The following HR variants were observed in gnomAD, a reference collection of about 807,000 sequenced individuals.
HR encodes the protein lysine-specific demethylase hairless.
A neutral mutation model predicts 128.6 loss-of-function variants in HR; 83 were observed. That is an observed-to-expected ratio of 0.65 (90% CI 0.54 to 0.77). The LOEUF (loss-of-function observed/expected upper bound fraction) is 0.77, where lower values mean the gene tolerates loss of function less well. Ranked by LOEUF, HR falls within the 30% of genes least tolerant of loss-of-function variation. The probability of loss-of-function intolerance (pLI) is 0.00; values close to 1 mark genes in which losing one functional copy is unlikely to be tolerated. For missense variants in HR, 1,490 were observed against 1,574.6 expected (o/e 0.95, Z 0.91); for synonymous variants, 681 against 658.2 (o/e 1.03, Z -0.53).
Position 22,120,259 on chromosome 8 carries a change from G to A in HR, c.2776+83C>T, listed in dbSNP as rs1586373665. ...CAGCAACACCTGCTTCCAGCCCCTCGGGGTCACCCTGGGACTCCTCTGCCA... is the reference window on the plus strand; with the variant it reads ...CAGCAACACCTGCTTCCAGCCCCTCAGGGTCACCCTGGGACTCCTCTGCCA... On this transcript the variant is annotated intron_variant, in intron 12 of 18. Transcript: ENST00000381418. 1.6e-5 allele frequency: 26 copies of A among 1,609,576 alleles called. No homozygotes were observed. The East Asian group carries it at 2.9e-4, about 18-fold the overall frequency.
chr8:22,122,896 G>A lies in HR; in HGVS notation c.1916-17C>T. On this transcript the variant is annotated splice_polypyrimidine_tract_variant and intron_variant, in intron 6 of 18. Transcript: ENST00000381418. ...CCTGAAAGCCTGTGGGGCAGGAAGG[G>A]AAAAGCTGCAGGTCCAGAAATCAAG... The A allele has an allele frequency of 6.5e-7, 1 of 1,550,346 alleles. No individual in the cohort carries two copies. Among genetic ancestry groups the A allele is most frequent in the Non-Finnish European group, 8.7e-7 (1 of 1,146,434 alleles).
chr8:22,123,895 A>G, intron 5 of HR, 82 bp from the exon 6 acceptor site: 1 of 1,485,450 alleles, frequency 6.7e-7, no homozygotes, highest in Non-Finnish European at 9.1e-7. Context: ...GGATCCAAGG[A>G]GGGGCAGGAG....
At position 22,116,865 on chromosome 8, in the gene HR, T is replaced by C. The variant is rs1826602225; in HGVS notation, c.3378+10A>G. On this transcript the variant is annotated intron_variant, in intron 17 of 18. Transcript: ENST00000381418. The surrounding 1 kb of genome is among the most constrained non-coding windows in gnomAD (Gnocchi z 4.2). Reference sequence around the variant, plus strand: ...ATCTCCCCGCAGAGCCCCTGCCCGCTGGGAAGCACCTGGTGGGGAGCCCCT... The same window carrying C: ...ATCTCCCCGCAGAGCCCCTGCCCGCCGGGAAGCACCTGGTGGGGAGCCCCT... 2 of 1,568,560 alleles carry C rather than the reference T, an allele frequency of 1.3e-6. No individual in the cohort carries two copies. Among genetic ancestry groups the C allele is most frequent in the Non-Finnish European group, 1.7e-6 (2 of 1,161,482 alleles).
At position 22,117,002 on chromosome 8, in the gene HR, G is replaced by A; in HGVS notation, c.3251C>T (p.Ala1084Val). ...TGCATCCAGGTAGCAGCTGCCTGGG[G>A]CGCCAGGCTCCAGGGCGCCTGCCCC... ...PAGAGALEPG[A>V]PGSCYLDAGL... Residue 1084 changes from alanine (A) to valine (V), a missense_variant, in exon 17 of 19, where the codon GCC becomes GTC. Transcript: ENST00000381418. 6.6e-7 allele frequency: 1 copy of A among 1,526,182 alleles called. No homozygotes were observed. The allele number at this position is 1,526,182 out of a possible 1,614,324, so 94.5% of individuals were successfully genotyped here.
At chr8:22,121,782 T>C in intron 8 of HR, 88 bp from the exon 9 acceptor site, 2 of 1,303,986 alleles carry the variant, frequency 1.5e-6, no homozygotes, top group South Asian at 1.2e-5. Flanking sequence ...GAATGAACAA[T>C]GGACTCTTGT....
intron 3 of HR, 119 bp from the exon 4 acceptor site, chr8:22,125,851 C>T: frequency 8.6e-7 from 1 of 1,169,352 alleles, no homozygotes; most frequent in Non-Finnish European, 1.2e-6. Context: ...CGCCCCAGGT[C>T]TCTGAAGCCT....
At chr8:22,123,569 C>T (rs1301691472) in intron 6 of HR, 80 bp downstream of exon 6, 1 of 1,394,562 alleles carries the variant, frequency 7.2e-7, no homozygotes, top group African/African-American at 1.4e-5. Context: ...TGGGGAGAGG[C>T]AGCCAACGAA....
chr8:22,123,617 T>TGGGGGGGGCCCCCCCC, intron 6 of HR, 32 bp downstream of exon 6: 2 of 292,092 alleles, frequency 6.8e-6, no homozygotes, highest in Non-Finnish European at 1.2e-5. Flanking sequence ...GAGGGCTCCA[T>TGGGGGGGGCCCCCCCC]CCCGCCCTCC....
rs1184292818 is a variant in HR at position 22,115,152 on chromosome 8, C to G, written c.*548G>C. ...GGGCTGAGTGACATCGCCCATGCCGCTCCCTCCGCCAAGCCTGAGCAGCTC... is the reference window on the plus strand; with the variant it reads ...GGGCTGAGTGACATCGCCCATGCCGGTCCCTCCGCCAAGCCTGAGCAGCTC... On this transcript the variant is annotated 3_prime_UTR_variant, in exon 19 of 19. Transcript: ENST00000381418. 3 of 176,728 alleles carry G rather than the reference C, an allele frequency of 1.7e-5. No individual in the cohort carries two copies. The highest frequency in any genetic ancestry group is 2.4e-5 in the Non-Finnish European group (2 of 83,422). The allele number at this position is 176,728 out of a possible 1,614,324, so 10.9% of individuals were successfully genotyped here. A position where few individuals can be genotyped will look rare whatever the true frequency, so the allele number is the denominator to read the frequency against.
chr8:22,129,138 G>A lies in HR; in HGVS notation c.33C>T (p.Thr11=). The A allele has an allele frequency of 6.4e-7, 1 of 1,552,472 alleles. No individual in the cohort carries two copies. The highest frequency in any genetic ancestry group is 1.3e-5 in the South Asian group (1 of 79,100). MESTPSFLKG[T]PTWEKTAPEN... ...CTGGGGCCGTCTTCTCCCAGGTTGG[G>A]GTGCCCTTCAGGAAGCTGGGCGTAC... The change falls in exon 2 of 19, where the codon ACC becomes ACT. Residue 11 remains threonine (T), a synonymous_variant. Transcript: ENST00000381418.
At position 22,119,045 on chromosome 8, in the gene HR, C is replaced by T. The variant is rs749987727; in HGVS notation, c.3118G>A (p.Gly1040Arg). 7 of 1,613,278 alleles carry T rather than the reference C, an allele frequency of 4.3e-6. No homozygotes were observed. The highest frequency in any genetic ancestry group is 1.7e-4 in the Middle Eastern group (1 of 6,054). ...AQKDFLSGLD[G>R]EGLWSPGSQV... ...CTGCCCGGAGACCAGAGCCCCTCCC[C>T]GTCCAGGCCTGAAAGGAAGTCTGAG... Residue 1040 changes from glycine to arginine, a missense_variant, in exon 16 of 19, where the codon GGG (glycine) becomes AGG (arginine). Gly to Arg is a moderately radical substitution (Grantham distance 125). Coordinates refer to ENST00000381418, the MANE Select transcript of HR (RefSeq NM_005144.5).
rs1826779167 is a variant in HR, at chr8:22,122,503, G to T, written c.2111C>A (p.Ala704Glu). The T allele has an allele frequency of 6.2e-7, 1 of 1,606,466 alleles. No individual in the cohort carries two copies. The highest frequency in any genetic ancestry group is 1.7e-5 in the Admixed American group (1 of 59,390). Residue 704 changes from alanine (A) to glutamate (E), a missense_variant, in exon 8 of 19, where the codon GCA (alanine) becomes GAA (glutamate). By Grantham distance (107) the Ala-to-Glu change is moderately radical. Transcript: ENST00000381418. ...TGCCCTGGGTCTTACCTGCTGGCCTGCATCCCCGGGGGCCCATACCCGGGC... is the reference window on the plus strand; with the variant it reads ...TGCCCTGGGTCTTACCTGCTGGCCTTCATCCCCGGGGGCCCATACCCGGGC... ...ADARVWAPGD[A>E]GQQKESTQKT...
rs376088952 is a variant in HR at position 22,122,554 on chromosome 8, C to T, written c.2060G>A (p.Arg687Gln). ...ATCAGCTTGGCAGGGGCAGTGCCCC[C>T]GGATATCAAACTTGACCCAGACCTG... Reference protein sequence around the residue: ...MHQVWVKFDIRGHCPCQADAR... With the variant: ...MHQVWVKFDIQGHCPCQADAR... The change falls in exon 8 of 19, where the codon CGG becomes CAG. Residue 687 changes from arginine (R) to glutamine (Q), a missense_variant. Physicochemically the swap from Arg to Gln is conservative, Grantham distance 43. This residue lies in a region of HR where 1,060 missense variants were observed against 1,060.9 expected (regional missense o/e 1.00). Transcript: ENST00000381418. 26 of 1,611,942 alleles carry T rather than the reference C, an allele frequency of 1.6e-5. No homozygotes were observed. The highest frequency in any genetic ancestry group is 1.5e-4 in the Admixed American group (9 of 59,924).
rs532899163 is a variant in HR, at chr8:22,119,378, G to A, written c.2978-95C>T. The A allele has an allele frequency of 3.5e-5, 55 of 1,556,374 alleles. No homozygotes were observed. In the African/African-American group the frequency reaches 5.1e-4, roughly 15 times the overall value. ...AATCCTGGCACTTTGGGAGGCCCAG[G>A]CGGGCAGATCACCTGAGGTCAGGAG... is the stretch of plus-strand genomic sequence containing the variant. On this transcript the variant is annotated intron_variant, in intron 14 of 18. Coordinates refer to ENST00000381418, the MANE Select transcript of HR (RefSeq NM_005144.5).
rs970137378 is a variant in HR at position 22,119,721 on chromosome 8, A to ATGGGAGTAG, written c.2977+30_2977+38dup. The ATGGGAGTAG allele has an allele frequency of 4.4e-6, 7 of 1,578,194 alleles. No individual in the cohort carries two copies. The African/African-American group carries it at 9.4e-5, about 21-fold the overall frequency. ...GCCCCGAGATGACAGGCAGACAGGC[A>ATGGGAGTAG]TGGGAGTAGAGACTGGGCAGGAGTG... On this transcript the variant is annotated intron_variant, in intron 14 of 18. Coordinates refer to ENST00000381418, the MANE Select transcript of HR (RefSeq NM_005144.5).
chr8:22,122,377 T>A, intron 8 of HR, 116 bp downstream of exon 8: 1 of 732,254 alleles, frequency 1.4e-6, no homozygotes, highest in Non-Finnish European at 2.3e-6. Flanking sequence ...GGAATTAGCC[T>A]GATCCCACAG....
At chr8:22,122,712 G>T in intron 7 of HR, 78 bp downstream of exon 7, 1 of 1,489,048 alleles carries the variant, frequency 6.7e-7, no homozygotes, top group Non-Finnish European at 9.2e-7. Context: ...TGGCACTGGG[G>T]GGAGGGACAA....
At position 22,120,410 on chromosome 8, in the gene HR, G is replaced by T. The variant is rs1015333064; in HGVS notation, c.2708C>A (p.Pro903His). Residue 903 changes from proline (P) to histidine (H), a missense_variant, in exon 12 of 19, where the codon CCC becomes CAC. Physicochemically the swap from Pro to His is moderately conservative, Grantham distance 77. Around this residue, in one of 3 missense-constraint regions of HR, gnomAD observed 423 missense variants for 495.9 expected, o/e 0.85. Coordinates refer to ENST00000381418, the MANE Select transcript of HR (RefSeq NM_005144.5). ...ALGGQVQALS[P>H]LGPPQPSSLG... is the part of the protein sequence containing the mutation. ...GCTGCTGGGCTGGGGAGGTCCGAGGGGGCTCAGCGCCTGCACCTGGCCTCC... is the reference window on the plus strand; with the variant it reads ...GCTGCTGGGCTGGGGAGGTCCGAGGTGGCTCAGCGCCTGCACCTGGCCTCC... 1.1e-5 allele frequency: 17 copies of T among 1,613,852 alleles called. No homozygotes were observed.
At position 22,130,640 on chromosome 8, in the gene HR, C is replaced by A. The variant is rs1385208429; in HGVS notation, c.-253G>T. 1 of 152,288 alleles carries A rather than the reference C, an allele frequency of 6.6e-6. No individual in the cohort carries two copies. The highest frequency in any genetic ancestry group is 2.4e-5 in the African/African-American group (1 of 41,460). The allele number at this position is 152,288 out of a possible 1,614,324, so 9.4% of individuals were successfully genotyped here. ...GGTTGGAGGGGTCGGACTCCGGGAT[C>A]TGCAGGATGCGGCACACGGCGCGGA... On this transcript the variant is annotated 5_prime_UTR_variant, in exon 1 of 19. Transcript: ENST00000381418.
Sources: allele counts gnomAD v4.1 joint callset, GRCh38; gene constraint gnomAD v4.1.1; regional missense constraint gnomAD v4.1.1; non-coding constraint Gnocchi (gnomAD v3.1); transcripts MANE v1.5; gene names NCBI Gene and HGNC (gene_info 2026-07-23, HGNC 2026-07-21).